SLC8A1: variants seen among roughly 807,000 people sequenced by gnomAD.
SLC8A1 encodes the protein sodium/calcium exchanger 1.
In SLC8A1, 18 loss-of-function variants were observed where a neutral mutation model predicts 68.3. The observed-to-expected ratio is 0.26, with a 90% CI of 0.18 to 0.39. SLC8A1 has a LOEUF of 0.39. Ranked by LOEUF, SLC8A1 falls within the 10% of genes least tolerant of loss-of-function variation. SLC8A1 has a pLI of 1.00. For synonymous variants in SLC8A1, 475 were observed against 415.5 expected (o/e 1.14, Z -1.74); for missense variants, 985 against 1,156.7 (o/e 0.85, Z 2.15).
chr2:40,288,910 G>C (rs1469699337), intron 2 of SLC8A1, among the ~76,000 whole-genome samples: 1 of 144,966 alleles, frequency 6.9e-6, no homozygotes, highest in East Asian at 2.0e-4. Context: ...ATGTTGCCTG[G>C]GCTGGTCTCA....
intron 1 of SLC8A1, among the ~76,000 whole-genome samples, chr2:40,433,863 G>A (rs1446529469): frequency 6.6e-6 from 1 of 152,194 alleles, no homozygotes; most frequent in Non-Finnish European, 1.5e-5. Flanking sequence ...GCAGGGTCAG[G>A]AGGGCCTAGT....
chr2:40,328,417 T>C (rs989371718), intron 2 of SLC8A1, among the ~76,000 whole-genome samples: 1 of 152,148 alleles, frequency 6.6e-6, no homozygotes, highest in African/African-American at 2.4e-5. Context: ...TAAATTCATC[T>C]TCCTCCAACC....
At chr2:40,511,881 G>T (rs1706750033) in intron 1 of SLC8A1, among the ~76,000 whole-genome samples, 1 of 152,036 alleles carries the variant, frequency 6.6e-6, no homozygotes, top group Admixed American at 6.6e-5. Context: ...AAATAATGTC[G>T]TTTACAAGCA....
chr2:40,340,075 C>A (rs548913914), intron 2 of SLC8A1, among the ~76,000 whole-genome samples: 1 of 152,158 alleles, frequency 6.6e-6, no homozygotes, highest in Non-Finnish European at 1.5e-5. Context: ...AAACTTCCAA[C>A]GGTCATTGTA....
chr2:40,109,831 G>A (rs2034455146), exon 8 of SLC8A1: 1 of 152,150 alleles, frequency 6.6e-6, no homozygotes, highest in Admixed American at 6.5e-5. Flanking sequence ...AGCTATGAAT[G>A]ACTACATTGA....
chr2:40,444,253 T>A (rs1701032243), intron 1 of SLC8A1, among the ~76,000 whole-genome samples: 1 of 152,062 alleles, frequency 6.6e-6, no homozygotes, highest in African/African-American at 2.4e-5. Context: ...CCAGGAGGAT[T>A]ACTTGGGCCT....
At chr2:40,384,946 A>C (rs990011367) in intron 2 of SLC8A1, among the ~76,000 whole-genome samples, 1 of 152,022 alleles carries the variant, frequency 6.6e-6, no homozygotes, top group African/African-American at 2.4e-5. Flanking sequence ...TCAAGGTCAA[A>C]TCTCTTTCCT....
At chr2:40,172,127 A>G (rs968378088) in intron 4 of SLC8A1, among the ~76,000 whole-genome samples, 7 of 152,216 alleles carry the variant, frequency 4.6e-5, no homozygotes, top group African/African-American at 1.7e-4. Context: ...AAAGCCTCCA[A>G]CTGACTTCCA....
intron 2 of SLC8A1, chr2:40,251,233 G>GA (rs1167722186): frequency 6.6e-6 from 1 of 151,914 alleles, no homozygotes; most frequent in African/African-American, 2.4e-5. Flanking sequence ...CAGACAAAGG[G>GA]AAAAACCAAA....
intron 2 of SLC8A1, among the ~76,000 whole-genome samples, chr2:40,188,017 C>CT (rs1192533204): frequency 6.6e-6 from 1 of 152,176 alleles, no homozygotes; most frequent in Non-Finnish European, 1.5e-5. Context: ...CACATGCCTG[C>CT]TGAGACCATT....
intron 6 of SLC8A1, among the ~76,000 whole-genome samples, chr2:40,157,982 C>T (rs926107080): frequency 5.3e-5 from 8 of 152,166 alleles, no homozygotes; most frequent in East Asian, 1.9e-4. Flanking sequence ...AAGAAGATTG[C>T]CACAGGGTTG....
intron 2 of SLC8A1, among the ~76,000 whole-genome samples, chr2:40,340,018 G>A (rs1274174529): frequency 1.3e-5 from 2 of 152,144 alleles, no homozygotes; most frequent in Non-Finnish European, 2.9e-5. Flanking sequence ...CTGACTATAA[G>A]TAGTCATATG....
chr2:40,186,267 T>G (rs1171846178), intron 2 of SLC8A1, among the ~76,000 whole-genome samples: 1 of 152,256 alleles, frequency 6.6e-6, no homozygotes, highest in East Asian at 1.9e-4. Context: ...CTAGTTCTTT[T>G]GTTGGCATTT....
intron 7 of SLC8A1, chr2:40,118,248 G>A (rs1008716488): frequency 2.0e-5 from 3 of 152,206 alleles, no homozygotes; most frequent in African/African-American, 7.2e-5. Context: ...TGATTTCAGA[G>A]CCCAGTCTCA....
At chr2:40,360,904 C>T (rs1269870538) in intron 2 of SLC8A1, among the ~76,000 whole-genome samples, 2 of 152,048 alleles carry the variant, frequency 1.3e-5, no homozygotes, top group Non-Finnish European at 2.9e-5. Context: ...GAAAATCATT[C>T]AAGGATAAAT....
chr2:40,468,920 A>C (rs1034731466), intron 1 of SLC8A1, among the ~76,000 whole-genome samples: 1 of 152,178 alleles, frequency 6.6e-6, no homozygotes, highest in Non-Finnish European at 1.5e-5. Context: ...TATATTTAAA[A>C]TAAATAAAGA....
intron 7 of SLC8A1, among the ~76,000 whole-genome samples, chr2:40,126,939 G>A (rs942241839): frequency 4.6e-5 from 7 of 152,176 alleles, no homozygotes; most frequent in African/African-American, 1.4e-4. Flanking sequence ...GAGAATGAAC[G>A]AAAAGAAATG....
intron 2 of SLC8A1, among the ~76,000 whole-genome samples, chr2:40,398,691 C>A (rs1687771284): frequency 6.6e-6 from 1 of 152,066 alleles, no homozygotes; most frequent in Non-Finnish European, 1.5e-5. Context: ...TCATTTGAAA[C>A]ATTCTTTTAA....
chr2:40,198,514 G>C (rs1054708214), intron 2 of SLC8A1, among the ~76,000 whole-genome samples: 3 of 151,836 alleles, frequency 2.0e-5, no homozygotes, highest in African/African-American at 7.3e-5. Context: ...GTTGCTATAA[G>C]AAAAATATTT....
Sources: gnomAD v4.1 joint callset for allele counts (sites outside exome capture counted in the v4.1 genomes callset) on GRCh38, gnomAD v4.1.1 for gene constraint, MANE v1.5 for transcripts, NCBI Gene and HGNC (gene_info 2026-07-23, HGNC 2026-07-21) for gene names.